BAIAP2: variants seen among roughly 807,000 people sequenced by gnomAD.
BAIAP2 encodes BAR/IMD domain-containing adapter protein 2.
BAIAP2 carries 18 observed loss-of-function variants against 63.0 expected under a neutral mutation model. The ratio of observed to expected loss-of-function variants is 0.29; its 90% CI spans 0.20 to 0.42. The LOEUF (loss-of-function observed/expected upper bound fraction) is 0.42. Ranked by LOEUF, BAIAP2 falls within the 10% of genes least tolerant of loss-of-function variation. The pLI, the probability that BAIAP2 is intolerant of heterozygous loss-of-function variation, is 1.00. For synonymous variants in BAIAP2, 386 were observed against 307.6 expected, an observed-to-expected ratio of 1.25 and a Z score of -2.67; for missense variants, 610 against 734.3, an observed-to-expected ratio of 0.83 and a Z score of 1.96.
chr17:81,112,030 T>A (rs1255036840), intron 13 of BAIAP2, among the ~76,000 whole-genome samples: 3 of 152,204 alleles, frequency 2.0e-5, no homozygotes, highest in African/African-American at 7.2e-5. Context: ...TCTGGAAGAT[T>A]AGGTAGAAAA....
chr17:81,072,970 A>G (rs1402577069), intron 3 of BAIAP2, among the ~76,000 whole-genome samples: 1 of 151,934 alleles, frequency 6.6e-6, no homozygotes, highest in East Asian at 1.9e-4. Flanking sequence ...TGATGAGAAA[A>G]TGGCATCTGG....
At chr17:81,097,473 C>T (rs1041233645) in intron 6 of BAIAP2, 1 of 152,304 alleles carries the variant, frequency 6.6e-6, no homozygotes, top group Non-Finnish European at 1.5e-5. Flanking sequence ...CTCCCCTCCC[C>T]GCCGCCCACC....
At chr17:81,083,225 T>TG (rs1229642015) in intron 3 of BAIAP2, 2 of 152,290 alleles carry the variant, frequency 1.3e-5, no homozygotes, top group Non-Finnish European at 1.5e-5. Context: ...GCGATCCTAG[T>TG]GGGGGTTCTG....
chr17:81,055,920 T>C (rs1305340284), intron 2 of BAIAP2, among the ~76,000 whole-genome samples: 4 of 151,942 alleles, frequency 2.6e-5, no homozygotes, highest in Admixed American at 6.6e-5. Flanking sequence ...GTGACCCCCG[T>C]CCCCCAGCCA....
chr17:81,106,266 GGGCCATCCCCAGT>G, intron 11 of BAIAP2, 120 bp downstream of exon 11: 2 of 1,085,264 alleles, frequency 1.8e-6, no homozygotes, highest in Non-Finnish European at 2.7e-6. Context: ...TGCTACCGCA[GGGCCATCCCCAGT>G]GGCCCTGAGA....
intron 3 of BAIAP2, among the ~76,000 whole-genome samples, chr17:81,061,987 G>A (rs1192237767): frequency 1.3e-5 from 2 of 152,302 alleles, no homozygotes; most frequent in East Asian, 3.9e-4. Context: ...CTGTCACCCA[G>A]GCTGGAGTGC....
intron 3 of BAIAP2, among the ~76,000 whole-genome samples, chr17:81,071,392 G>A (rs2052628145): frequency 6.6e-6 from 1 of 152,200 alleles, no homozygotes; most frequent in African/African-American, 2.4e-5. Flanking sequence ...GCCCAGGTGG[G>A]TGGTGATGAG....
At chr17:81,106,720 C>G in intron 11 of BAIAP2, 25 bp from the exon 12 acceptor site, 2 of 1,612,114 alleles carry the variant, frequency 1.2e-6, no homozygotes, top group Non-Finnish European at 1.7e-6. Context: ...CCTGCTGGGC[C>G]GCCTCTGAGT....
At chr17:81,058,002 C>A (rs1365952342) in intron 3 of BAIAP2, 35 bp downstream of exon 3, 2 of 1,347,718 alleles carry the variant, frequency 1.5e-6, no homozygotes, top group Non-Finnish European at 2.0e-6. Flanking sequence ...CTGGTAGTCG[C>A]CTGATGCCCT....
In BAIAP2 at chr17:81,116,579, T is replaced by G. The variant is rs1422987827; in HGVS notation, c.*740T>G. 8.3e-6 allele frequency: 4 copies of G among 483,544 alleles called. No individual in the cohort carries two copies. Among genetic ancestry groups the G allele is most frequent in the Non-Finnish European group, 1.5e-5 (4 of 266,996 alleles). 30.0% of individuals were successfully genotyped at this position (483,544 alleles called of 1,614,324 possible). A position where few individuals can be genotyped will look rare whatever the true frequency, so the allele number is the denominator to read the frequency against. On this transcript the variant is annotated 3_prime_UTR_variant, in exon 14 of 14. Coordinates refer to ENST00000428708, the MANE Select transcript of BAIAP2 (RefSeq NM_001144888.2). ...GTGCTATGCGGGGTCACCAGCAGAG[T>G]GCCCGCTGGCAGGTGGGGGCTTCCC... is the stretch of plus-strand genomic sequence containing the variant.
At chr17:81,070,426 G>A (rs946976951) in intron 3 of BAIAP2, among the ~76,000 whole-genome samples, 3 of 152,214 alleles carry the variant, frequency 2.0e-5, no homozygotes. Flanking sequence ...CCAAAAGGGA[G>A]GTGGAAATGT....
intron 3 of BAIAP2, among the ~76,000 whole-genome samples, chr17:81,078,932 T>G (rs1254421299): frequency 6.6e-6 from 1 of 151,500 alleles, no homozygotes; most frequent in African/African-American, 2.4e-5. Flanking sequence ...CAAAGTGGGG[T>G]GATAGTCCCA....
intron 6 of BAIAP2, among the ~76,000 whole-genome samples, chr17:81,089,194 G>A (rs1022821210): frequency 1.3e-5 from 2 of 152,254 alleles, no homozygotes; most frequent in African/African-American, 2.4e-5. Flanking sequence ...TCTGTTTGCT[G>A]CATGTCCTGG....
At chr17:81,103,784 G>A (rs764496449) in intron 8 of BAIAP2, 61 bp downstream of exon 8, 51 of 1,578,826 alleles carry the variant, frequency 3.2e-5, no homozygotes, top group Non-Finnish European at 4.0e-5. Flanking sequence ...TTGTTGTCAG[G>A]GCGGGGGGCC....
intron 3 of BAIAP2, among the ~76,000 whole-genome samples, chr17:81,067,170 C>T (rs1423071981): frequency 6.6e-6 from 1 of 152,252 alleles, no homozygotes; most frequent in Non-Finnish European, 1.5e-5. Context: ...TCCCTTCCCC[C>T]CCACACTATT....
chr17:81,059,237 A>C (rs2050143166), intron 3 of BAIAP2, among the ~76,000 whole-genome samples: 1 of 152,202 alleles, frequency 6.6e-6, no homozygotes, highest in Non-Finnish European at 1.5e-5. Flanking sequence ...CTGTGCTGAC[A>C]GACTGGGGAG....
intron 3 of BAIAP2, among the ~76,000 whole-genome samples, chr17:81,078,585 C>T (rs1355728064): frequency 2.1e-5 from 3 of 141,774 alleles, no homozygotes; most frequent in Non-Finnish European, 1.5e-5. Context: ...GAGCTGGGTG[C>T]TGTGGGTGCG....
chr17:81,070,757 G>A lies in BAIAP2; in HGVS notation c.217+12790G>A, dbSNP rs550119780. On this transcript the variant is annotated intron_variant, in intron 3 of 13. Coordinates refer to ENST00000428708, the MANE Select transcript of BAIAP2 (RefSeq NM_001144888.2). ...CTCCAGCCACCCCGGGTGGATGGCC[G>A]CTGACCCGGGAGCCCCCGTCTGCCT... is the stretch of plus-strand genomic sequence containing the variant. 2.0e-5 allele frequency among the ~76,000 whole-genome samples: 3 copies of A among 152,334 alleles called. No homozygotes were observed. In the South Asian group the frequency reaches 6.2e-4, roughly 32 times the overall value.
chr17:81,055,857 C>A (rs1037993166), intron 2 of BAIAP2, among the ~76,000 whole-genome samples: 1 of 152,142 alleles, frequency 6.6e-6, no homozygotes, highest in Non-Finnish European at 1.5e-5. Context: ...TGAGCCACCG[C>A]GCCCGGCCGT....
Sources: gnomAD v4.1 joint callset for allele counts (sites outside exome capture counted in the v4.1 genomes callset) on GRCh38, gnomAD v4.1.1 for gene constraint, MANE v1.5 for transcripts, NCBI Gene and HGNC (gene_info 2026-07-23, HGNC 2026-07-21) for gene names.